RUNX1: variants seen among roughly 807,000 people sequenced by gnomAD.
The protein encoded by RUNX1 is runt-related transcription factor 1.
Under a neutral mutation model 42.8 loss-of-function variants are expected in RUNX1, and 19 were observed. That is an observed-to-expected ratio of 0.44 (90% CI 0.31 to 0.65). The LOEUF is 0.65. Ranked by LOEUF, RUNX1 falls within the 30% of genes least tolerant of loss-of-function variation. RUNX1 has a pLI of 0.07. For synonymous variants in RUNX1, 271 were observed against 289.4 expected (o/e 0.94, Z 0.64); for missense variants, 528 against 672.0 (o/e 0.79, Z 2.37).
At chr21:34,820,170 C>T (rs1254332733) in intron 7 of RUNX1, among the ~76,000 whole-genome samples, 1 of 152,138 alleles carries the variant, frequency 6.6e-6, no homozygotes, top group Non-Finnish European at 1.5e-5. Context: ...CAACAGGGAG[C>T]AGGGCTGGGG....
At chr21:35,047,555 A>T (rs777725874) in intron 2 of RUNX1, among the ~76,000 whole-genome samples, 11,028 of 76,304 alleles carry the variant, frequency 0.14, 685 homozygotes, top group Non-Finnish European at 0.16. Context: ...ACACACACAC[A>T]CACACACTCT....
chr21:34,821,799 T>C, intron 7 of RUNX1: 1 of 966,918 alleles, frequency 1.0e-6, no homozygotes, highest in Non-Finnish European at 1.5e-6. Context: ...CGTGAAAGAA[T>C]CAAATGAGGA....
intron 2 of RUNX1, among the ~76,000 whole-genome samples, chr21:35,031,592 A>C (rs2059273682): frequency 6.6e-6 from 1 of 152,218 alleles, no homozygotes; most frequent in Non-Finnish European, 1.5e-5. Flanking sequence ...TACTATTCAT[A>C]ATAACCAAGA....
chr21:34,939,858 A>G (rs76455816), intron 2 of RUNX1, among the ~76,000 whole-genome samples: 2,803 of 151,696 alleles, frequency 0.018, 40 homozygotes, highest in Admixed American at 0.035. Flanking sequence ...TTTTATTTTT[A>G]TTTTTTCTTC....
intron 2 of RUNX1, among the ~76,000 whole-genome samples, chr21:34,916,424 C>G (rs2058312791): frequency 6.6e-6 from 1 of 152,164 alleles, no homozygotes; most frequent in Non-Finnish European, 1.5e-5. Context: ...TGGTCCCTCA[C>G]TGTTAATAAA....
In RUNX1 at chr21:34,792,336, G is replaced by A. The variant is rs2056452818; in HGVS notation, c.1242C>T (p.Tyr414=). ...GCTCGCCGCCCACCATGGAGAACTG[G>A]TAGGAGCCGGCCGAGGCGCCGTAGT... is the stretch of plus-strand genomic sequence containing the variant. ...HLYYGASAGS[Y]QFSMVGGERS... is the part of the protein sequence containing the mutation. The change falls in exon 9 of 9, where the codon TAC becomes TAT. Residue 414 remains tyrosine (Y), a synonymous_variant. Coordinates refer to ENST00000675419, the MANE Select transcript of RUNX1 (RefSeq NM_001754.5). The surrounding 1 kb of genome is among the most constrained non-coding windows in gnomAD (Gnocchi z 6.9). 6.4e-7 allele frequency: 1 copy of A among 1,555,042 alleles called. No individual in the cohort carries two copies. The highest frequency in any genetic ancestry group is 1.4e-5 in the African/African-American group (1 of 73,614).
At chr21:34,894,391 A>C (rs2058111914) in intron 2 of RUNX1, among the ~76,000 whole-genome samples, 1 of 152,138 alleles carries the variant, frequency 6.6e-6, no homozygotes, top group Admixed American at 6.5e-5. Context: ...GGCAAAAATG[A>C]GTGGATTTTG....
intron 2 of RUNX1, among the ~76,000 whole-genome samples, chr21:35,042,891 C>G (rs527834298): frequency 9.2e-5 from 14 of 152,294 alleles, no homozygotes; most frequent in Admixed American, 4.6e-4. Flanking sequence ...ACATAATTTC[C>G]GTCATGTTTC....
At chr21:34,829,342 A>C (rs927974988) in intron 7 of RUNX1, among the ~76,000 whole-genome samples, 7 of 152,212 alleles carry the variant, frequency 4.6e-5, no homozygotes, top group African/African-American at 1.7e-4. Flanking sequence ...ATAAGGGGAA[A>C]GTTCAGAACA....
chr21:34,982,417 T>TGTGTGTGTGTGTGTGA (rs1003179360), intron 2 of RUNX1, among the ~76,000 whole-genome samples: 1 of 151,488 alleles, frequency 6.6e-6, no homozygotes, highest in Non-Finnish European at 1.5e-5. Flanking sequence ...TGTGTGTGTG[T>TGTGTGTGTGTGTGTGA]GACGGAAAGA....
chr21:34,850,331 G>A (rs1431433454), intron 6 of RUNX1, among the ~76,000 whole-genome samples: 1 of 152,224 alleles, frequency 6.6e-6, no homozygotes, highest in African/African-American at 2.4e-5. Flanking sequence ...TTGCACACAT[G>A]GAAGGGTCTC....
At chr21:35,036,814 G>C (rs1477367003) in intron 2 of RUNX1, among the ~76,000 whole-genome samples, 1 of 152,178 alleles carries the variant, frequency 6.6e-6, no homozygotes. Flanking sequence ...ACTGCTTCTG[G>C]CTACGATTTT....
intron 2 of RUNX1, among the ~76,000 whole-genome samples, chr21:34,984,968 GT>G (rs774226478): frequency 3.3e-4 from 50 of 152,336 alleles, no homozygotes; most frequent in Non-Finnish European, 5.6e-4. Context: ...CCCAGGCCAG[GT>G]TTGGAATAGC....
chr21:34,853,685 T>C (rs1354240229), intron 6 of RUNX1, among the ~76,000 whole-genome samples: 1 of 152,214 alleles, frequency 6.6e-6, no homozygotes, highest in East Asian at 1.9e-4. Flanking sequence ...TATTATCGAG[T>C]ATTTTTATGA....
At chr21:34,943,147 C>T (rs1248782255) in intron 2 of RUNX1, among the ~76,000 whole-genome samples, 1 of 152,202 alleles carries the variant, frequency 6.6e-6, no homozygotes, top group African/African-American at 2.4e-5. Flanking sequence ...CTGAAGGAAA[C>T]AAGCACAAAT....
chr21:34,822,608 T>C (rs893813803), intron 7 of RUNX1, among the ~76,000 whole-genome samples: 7 of 152,216 alleles, frequency 4.6e-5, no homozygotes, highest in Non-Finnish European at 2.9e-5. Flanking sequence ...TTATGGCTGT[T>C]CCACATAGCG....
At chr21:34,940,220 A>C (rs182619494) in intron 2 of RUNX1, among the ~76,000 whole-genome samples, 1 of 152,278 alleles carries the variant, frequency 6.6e-6, no homozygotes, top group East Asian at 1.9e-4. Flanking sequence ...TGGGATGGGG[A>C]AACATTAATG....
At chr21:35,010,382 T>C (rs1282039686) in intron 2 of RUNX1, among the ~76,000 whole-genome samples, 2 of 152,154 alleles carry the variant, frequency 1.3e-5, no homozygotes. Flanking sequence ...AATGTTTAAA[T>C]ATGCAGAGGT....
chr21:34,889,337 C>A (rs1158041496), intron 3 of RUNX1, among the ~76,000 whole-genome samples: 1 of 152,136 alleles, frequency 6.6e-6, no homozygotes, highest in Admixed American at 6.5e-5. Context: ...GGCGTCCGCG[C>A]GTGCCGTTTG....
Sources: allele counts gnomAD v4.1 joint callset (sites outside exome capture counted in the v4.1 genomes callset), GRCh38; gene constraint gnomAD v4.1.1; non-coding constraint Gnocchi (gnomAD v3.1); transcripts MANE v1.5; gene names NCBI Gene and HGNC (gene_info 2026-07-23, HGNC 2026-07-21).